LRRC4C: variants seen among roughly 807,000 people sequenced by gnomAD.
The protein encoded by LRRC4C is leucine rich repeat containing 4C.
LRRC4C carries 5 observed loss-of-function variants against 33.6 expected under a neutral mutation model. That is an observed-to-expected ratio of 0.15 (90% CI 0.08 to 0.31). The LOEUF is 0.31. Among genes scored for constraint, LRRC4C ranks in the 10% least tolerant of loss-of-function variants. The pLI, the probability that LRRC4C is intolerant of heterozygous loss-of-function variation, is 1.00. For synonymous variants in LRRC4C, 329 were observed against 302.0 expected (o/e 1.09, Z -0.93); for missense variants, 560 against 796.7 (o/e 0.70, Z 3.58).
chr11:41,054,407 A>T (rs1427887179), intron 1 of LRRC4C, among the ~76,000 whole-genome samples: 2 of 152,212 alleles, frequency 1.3e-5, no homozygotes, highest in Non-Finnish European at 2.9e-5. Context: ...CATTCTGATA[A>T]GGGAATTCTC....
chr11:40,229,845 A>G (rs185569424), intron 5 of LRRC4C, among the ~76,000 whole-genome samples: 82 of 152,310 alleles, frequency 5.4e-4, no homozygotes, highest in African/African-American at 1.9e-3. Flanking sequence ...ATAAGTTAAT[A>G]AATGACTCTT....
At chr11:40,663,256 T>A (rs1277583851) in intron 2 of LRRC4C, among the ~76,000 whole-genome samples, 2 of 140,150 alleles carry the variant, frequency 1.4e-5, no homozygotes, top group Non-Finnish European at 3.1e-5. Context: ...AATTTTTGTA[T>A]TTTTTTAGTA....
intron 2 of LRRC4C, among the ~76,000 whole-genome samples, chr11:40,785,949 T>C (rs1187563531): frequency 6.6e-6 from 1 of 152,050 alleles, no homozygotes; most frequent in Non-Finnish European, 1.5e-5. Flanking sequence ...CCACTGAAAA[T>C]CAGCAAGTTT....
chr11:40,855,119 A>G (rs1175186812), intron 2 of LRRC4C, among the ~76,000 whole-genome samples: 1 of 152,136 alleles, frequency 6.6e-6, no homozygotes, highest in African/African-American at 2.4e-5. Flanking sequence ...AATAAAGACC[A>G]TTTTCAGTGT....
chr11:41,221,479 G>A (rs1382309346), intron 1 of LRRC4C, among the ~76,000 whole-genome samples: 1 of 152,100 alleles, frequency 6.6e-6, no homozygotes, highest in Non-Finnish European at 1.5e-5. Context: ...AGCCATTGTG[G>A]AAGACAGTGT....
chr11:40,119,178 T>A (rs1855647174), intron 6 of LRRC4C, among the ~76,000 whole-genome samples: 1 of 152,170 alleles, frequency 6.6e-6, no homozygotes. Context: ...AGATGCACTC[T>A]TAAGGAAAAG....
intron 4 of LRRC4C, among the ~76,000 whole-genome samples, chr11:40,279,199 A>T (rs1943313261): frequency 6.6e-6 from 1 of 152,224 alleles, no homozygotes; most frequent in Non-Finnish European, 1.5e-5. Context: ...TAACCTCGCT[A>T]GACTTTTCCC....
chr11:40,415,100 G>A (rs1366593042), intron 3 of LRRC4C, among the ~76,000 whole-genome samples: 3 of 152,156 alleles, frequency 2.0e-5, no homozygotes, highest in Non-Finnish European at 4.4e-5. Flanking sequence ...GAGGAGAGGT[G>A]AATGAGAAGT....
chr11:41,417,694 C>G (rs533261226), intron 1 of LRRC4C, among the ~76,000 whole-genome samples: 1 of 151,826 alleles, frequency 6.6e-6, no homozygotes, highest in Non-Finnish European at 1.5e-5. Context: ...TACCAACATC[C>G]AGCTCCCTTA....
At chr11:40,534,880 A>G (rs976167014) in intron 3 of LRRC4C, among the ~76,000 whole-genome samples, 1 of 152,178 alleles carries the variant, frequency 6.6e-6, no homozygotes, top group Non-Finnish European at 1.5e-5. Flanking sequence ...TCTTCACACA[A>G]GCCTTAGTAA....
In LRRC4C at chr11:41,072,002, C is replaced by T. The variant is rs191123457; in HGVS notation, c.-495-138279G>A. ...GCCCGGAGATGTGACTGAATTGCTG[C>T]AATTTCATAAAAAAACTTGAATGGA... is the stretch of plus-strand genomic sequence containing the variant. On this transcript the variant is annotated intron_variant, in intron 1 of 6. Coordinates refer to ENST00000528697, the MANE Select transcript of LRRC4C (RefSeq NM_001258419.2). Among the ~76,000 whole-genome samples the T allele has an allele frequency of 6.6e-5, 10 of 152,116 alleles. No homozygotes were observed. In the East Asian group the frequency reaches 1.9e-3, roughly 30 times the overall value.
chr11:41,107,885 C>G (rs144305043), intron 1 of LRRC4C, among the ~76,000 whole-genome samples: 2 of 151,268 alleles, frequency 1.3e-5, no homozygotes, highest in African/African-American at 2.4e-5. Flanking sequence ...TGCTGTGAGC[C>G]GAGATTGCAC....
In LRRC4C at chr11:40,274,967, T is replaced by C. The variant is rs552908719; in HGVS notation, c.-175-33369A>G. On this transcript the variant is annotated intron_variant, in intron 4 of 6. Coordinates refer to ENST00000528697, the MANE Select transcript of LRRC4C (RefSeq NM_001258419.2). ...CTAATGTTTATAGCTTATGGCAGTG[T>C]CCTAGACTATCGAAGTGAATAATAG... 2.6e-5 allele frequency among the ~76,000 whole-genome samples: 4 copies of C among 152,152 alleles called. 1 individual carries two copies. Among genetic ancestry groups the C allele is most frequent in the South Asian group, 4.1e-4 (2 of 4,830 alleles).
At chr11:40,775,684 T>G (rs1317945467) in intron 2 of LRRC4C, among the ~76,000 whole-genome samples, 1 of 152,172 alleles carries the variant, frequency 6.6e-6, no homozygotes, top group Non-Finnish European at 1.5e-5. Context: ...GGCAAAATTA[T>G]TAGCGTTTTT....
At chr11:40,348,504 A>G (rs1324121614) in intron 3 of LRRC4C, among the ~76,000 whole-genome samples, 2 of 152,142 alleles carry the variant, frequency 1.3e-5, no homozygotes, top group Non-Finnish European at 2.9e-5. Context: ...CAAGGAAGAA[A>G]TGAAATGCCT....
intron 1 of LRRC4C, among the ~76,000 whole-genome samples, chr11:41,134,279 A>T (rs1168691527): frequency 6.6e-6 from 1 of 151,942 alleles, no homozygotes; most frequent in African/African-American, 2.4e-5. Context: ...TTATTTCTTT[A>T]TTTTTGTAGA....
intron 6 of LRRC4C, among the ~76,000 whole-genome samples, chr11:40,119,079 C>T (rs745724780): frequency 1.1e-4 from 17 of 152,238 alleles, no homozygotes; most frequent in Middle Eastern, 3.4e-3. Context: ...ATGATCCTTT[C>T]ACTAGTGGTG....
chr11:40,347,025 A>G (rs573708150), intron 3 of LRRC4C, among the ~76,000 whole-genome samples: 1 of 152,186 alleles, frequency 6.6e-6, no homozygotes, highest in Non-Finnish European at 1.5e-5. Context: ...TCCTAATAAG[A>G]GTCAGCCTGT....
intron 3 of LRRC4C, among the ~76,000 whole-genome samples, chr11:40,487,104 G>A (rs1453024331): frequency 2.0e-5 from 3 of 152,042 alleles, no homozygotes; most frequent in Admixed American, 6.6e-5. Context: ...CTACGAACTT[G>A]ATGGCTGAAG....
Sources: gnomAD v4.1 joint callset for allele counts (sites outside exome capture counted in the v4.1 genomes callset) on GRCh38, gnomAD v4.1.1 for gene constraint, MANE v1.5 for transcripts, NCBI Gene and HGNC (gene_info 2026-07-23, HGNC 2026-07-21) for gene names.